Variants in SPATC1 observed in about 807,000 individuals in gnomAD.
The protein encoded by SPATC1 is spermatogenesis and centriole associated 1.
In SPATC1, 35 loss-of-function variants were observed where a neutral mutation model predicts 36.5. The observed-to-expected ratio is 0.96, with a 90% CI of 0.73 to 1.27. The LOEUF is 1.27. SPATC1 is among the 50% of genes most tolerant of loss of function. The pLI, the probability that SPATC1 is intolerant of heterozygous loss-of-function variation, is 0.00. For missense variants in SPATC1, 779 were observed against 796.0 expected, an observed-to-expected ratio of 0.98 and a Z score of 0.26; for synonymous variants, 361 against 353.6, an observed-to-expected ratio of 1.02 and a Z score of -0.24.
At chr8:144,034,115 T>C (rs1458207188) in intron 1 of SPATC1, among the ~76,000 whole-genome samples, 3 of 152,264 alleles carry the variant, frequency 2.0e-5, no homozygotes, top group Non-Finnish European at 4.4e-5. Flanking sequence ...TACAGGGCCC[T>C]GCCCAGTTGA....
Position 144,038,649 on chromosome 8 carries a change from G to A in SPATC1, c.212-1260G>A, listed in dbSNP as rs532226582. Among the ~76,000 whole-genome samples, 17 of 151,954 alleles carry A rather than the reference G, an allele frequency of 1.1e-4. No homozygotes were observed. In the East Asian group the frequency reaches 2.6e-3, roughly 23 times the overall value. ...GCCACCAGGCCCAGCTAATTTTTGT[G>A]TTTTTTGTAGAGACATGGTCTCTCC... On this transcript the variant is annotated intron_variant, in intron 1 of 4. Coordinates refer to ENST00000377470, the MANE Select transcript of SPATC1 (RefSeq NM_198572.3).
intron 1 of SPATC1, among the ~76,000 whole-genome samples, chr8:144,015,818 TG>T (rs1834378480): frequency 6.6e-6 from 1 of 151,246 alleles, no homozygotes; most frequent in Non-Finnish European, 1.5e-5. Context: ...CCCAGCACTT[TG>T]GGAGGCCGAG....
intron 1 of SPATC1, among the ~76,000 whole-genome samples, chr8:144,025,310 G>A (rs1017433548): frequency 6.6e-6 from 1 of 152,084 alleles, no homozygotes; most frequent in Admixed American, 6.5e-5. Flanking sequence ...GCCTCTCAAC[G>A]TGCTGGGATT....
chr8:144,036,235 A>G (rs1224157384), intron 1 of SPATC1, among the ~76,000 whole-genome samples: 1 of 152,194 alleles, frequency 6.6e-6, no homozygotes, highest in East Asian at 1.9e-4. Context: ...TTAGATTCCC[A>G]TCTCTAAAAC....
chr8:144,043,685 A>ATTT (rs527881198), intron 4 of SPATC1, among the ~76,000 whole-genome samples: 3 of 129,938 alleles, frequency 2.3e-5, no homozygotes, highest in Non-Finnish European at 5.0e-5. Context: ...TATGGACTAC[A>ATTT]TTTTTTTTTT....
At position 144,046,694 on chromosome 8, in the gene SPATC1, T is replaced by C. The variant is rs782075180; in HGVS notation, c.1514T>C (p.Val505Ala). ...TGCCAGAGGCTCACACAGCGCTATG[T>C]GAGCGTCATGAACAGGCTGCAGAGT... is the stretch of plus-strand genomic sequence containing the variant. The part of the protein sequence containing the change: ...KLCQRLTQRY[V>A]SVMNRLQSLG... The change falls in exon 5 of 5, where the codon GTG (valine) becomes GCG (alanine). Residue 505 changes from valine to alanine, a missense_variant. Transcript: ENST00000377470. The surrounding 1 kb of genome is among the most constrained non-coding windows in gnomAD (Gnocchi z 6.6). 6.2e-7 allele frequency: 1 copy of C among 1,612,542 alleles called. No homozygotes were observed. Among genetic ancestry groups the C allele is most frequent in the South Asian group, 1.1e-5 (1 of 91,082 alleles).
At chr8:144,012,794 T>G in intron 1 of SPATC1, 68 bp downstream of exon 1, 1 of 1,504,576 alleles carries the variant, frequency 6.6e-7, no homozygotes, top group Non-Finnish European at 9.0e-7. Flanking sequence ...AGAGACTCAG[T>G]GTGCTGAGGT....
chr8:144,040,970 C>G lies in SPATC1; in HGVS notation c.1169C>G (p.Pro390Arg), dbSNP rs1433032933. Residue 390 changes from proline to arginine, a missense_variant, in exon 3 of 5, where the codon CCT becomes CGT. By Grantham distance (103) the Pro-to-Arg change is moderately radical. Coordinates refer to ENST00000377470, the MANE Select transcript of SPATC1 (RefSeq NM_198572.3). The part of the protein sequence containing the change: ...HCPPHNAHSP[P>R]RTSSSPASVN... Reference sequence around the variant, plus strand: ...CCTCCACACAACGCCCACTCCCCACCTCGTACCTCATCCTCCCCGGCTTCA... The same window carrying G: ...CCTCCACACAACGCCCACTCCCCACGTCGTACCTCATCCTCCCCGGCTTCA... 6.2e-7 allele frequency: 1 copy of G among 1,612,246 alleles called. No individual in the cohort carries two copies. The highest frequency in any genetic ancestry group is 2.2e-5 in the East Asian group (1 of 44,876).
In SPATC1 at chr8:144,040,549, G is replaced by A. The variant is rs369120599; in HGVS notation, c.767-19G>A. On this transcript the variant is annotated intron_variant, in intron 2 of 4. Coordinates refer to ENST00000377470, the MANE Select transcript of SPATC1 (RefSeq NM_198572.3). ...CTCTAATCCCCCTTTTTTTATTTCTGTTCCCTCCACATCACTAGTCCCACT... is the reference window on the plus strand; with the variant it reads ...CTCTAATCCCCCTTTTTTTATTTCTATTCCCTCCACATCACTAGTCCCACT... 314 of 1,560,110 alleles carry A rather than the reference G, an allele frequency of 2.0e-4. No homozygotes were observed. The highest frequency in any genetic ancestry group is 4.0e-4 in the South Asian group (33 of 81,836).
At chr8:144,041,149 C>T (rs1472223148) in intron 3 of SPATC1, 42 bp downstream of exon 3, 1 of 1,589,732 alleles carries the variant, frequency 6.3e-7, no homozygotes, top group East Asian at 2.2e-5. Context: ...GGCCCCCAGG[C>T]CCTCTCCCTG....
chr8:144,021,705 C>CAAAAA, intron 1 of SPATC1, among the ~76,000 whole-genome samples: 1 of 43,332 alleles, frequency 2.3e-5, no homozygotes, highest in African/African-American at 1.0e-4. Flanking sequence ...GAAAACCCTT[C>CAAAAA]CCCCTCAGGA....
chr8:144,017,225 A>G (rs1554753360), intron 1 of SPATC1, among the ~76,000 whole-genome samples: 1 of 152,192 alleles, frequency 6.6e-6, no homozygotes. Context: ...GCAGATCTCT[A>G]TAGTTGCCTC....
chr8:144,025,580 C>A (rs901666774), intron 1 of SPATC1, among the ~76,000 whole-genome samples: 4 of 152,166 alleles, frequency 2.6e-5, no homozygotes, highest in African/African-American at 9.7e-5. Flanking sequence ...CTTGGAATAT[C>A]ATGCGACGGG....
At position 144,045,789 on chromosome 8, in the gene SPATC1, C is replaced by A. The variant is rs1554756674; in HGVS notation, c.1447-838C>A. On this transcript the variant is annotated intron_variant, in intron 4 of 4. Transcript: ENST00000377470. This position sits in a 1 kb window ranked among gnomAD's most constrained non-coding sequence, Gnocchi z 5.2. ...AATGAAAATAATTCAAAACTTAGAA[C>A]TTCAGGATGGTGCCAACAGCGCATT... Among the ~76,000 whole-genome samples, 1 of 152,252 alleles carries A rather than the reference C, an allele frequency of 6.6e-6. No individual in the cohort carries two copies. Among genetic ancestry groups the A allele is most frequent in the Non-Finnish European group, 1.5e-5 (1 of 68,050 alleles).
At chr8:144,011,037 G>A (rs868942969), upstream of SPATC1, among the ~76,000 whole-genome samples, 1 of 151,616 alleles carries the variant, frequency 6.6e-6, no homozygotes, top group East Asian at 1.9e-4. The surrounding 1 kb of genome is among the most constrained non-coding windows in gnomAD (Gnocchi z 4.5). Context: ...TCTATTAGAC[G>A]TCTAATAGAC....
chr8:144,030,501 G>A (rs1350495878), intron 1 of SPATC1, among the ~76,000 whole-genome samples: 2 of 152,174 alleles, frequency 1.3e-5, no homozygotes, highest in Non-Finnish European at 2.9e-5. Flanking sequence ...TGGGATTACA[G>A]GCATCAGCCA....
chr8:144,017,404 C>G (rs1234669735), intron 1 of SPATC1, among the ~76,000 whole-genome samples: 3 of 152,154 alleles, frequency 2.0e-5, no homozygotes, highest in Admixed American at 6.6e-5. Context: ...TGTGCACAGC[C>G]CTACCTCTGA....
chr8:144,015,149 C>A (rs1834358194), intron 1 of SPATC1, among the ~76,000 whole-genome samples: 1 of 151,632 alleles, frequency 6.6e-6, no homozygotes, highest in Non-Finnish European at 1.5e-5. Context: ...AAGTGATTCT[C>A]CTGCCTCAGC....
At chr8:144,042,203 G>C (rs1835120131) in intron 4 of SPATC1, 1 of 167,690 alleles carries the variant, frequency 6.0e-6, no homozygotes, top group Non-Finnish European at 1.1e-5. Flanking sequence ...CGTGATCCTA[G>C]CTCACTGCAA....
Sources: gnomAD v4.1 joint callset for allele counts (sites outside exome capture counted in the v4.1 genomes callset) on GRCh38, gnomAD v4.1.1 for gene constraint, Gnocchi (gnomAD v3.1) non-coding constraint, MANE v1.5 for transcripts, NCBI Gene and HGNC (gene_info 2026-07-23, HGNC 2026-07-21) for gene names.